BRINP1: variants seen among roughly 807,000 people sequenced by gnomAD.
BRINP1 encodes BMP/retinoic acid-inducible neural-specific protein 1.
Under a neutral mutation model 72.9 loss-of-function variants are expected in BRINP1, and 17 were observed. The ratio of observed to expected loss-of-function variants is 0.23; its 90% CI spans 0.16 to 0.35. The LOEUF is 0.35. Ranked by LOEUF, BRINP1 falls within the 10% of genes least tolerant of loss-of-function variation. The pLI is 1.00. For synonymous variants in BRINP1, 418 were observed against 378.5 expected, an observed-to-expected ratio of 1.10 and a Z score of -1.21; for missense variants, 850 against 1,001.6, an observed-to-expected ratio of 0.85 and a Z score of 2.04.
At chr9:119,240,748 C>T (rs1214548045) in intron 4 of BRINP1, among the ~76,000 whole-genome samples, 2 of 152,192 alleles carry the variant, frequency 1.3e-5, no homozygotes, top group Non-Finnish European at 2.9e-5. Context: ...AACTCTCTCC[C>T]TCCCACACTT....
intron 7 of BRINP1, among the ~76,000 whole-genome samples, chr9:119,169,613 C>A (rs1177399503): frequency 5.9e-5 from 9 of 152,364 alleles, no homozygotes; most frequent in East Asian, 1.9e-4. Context: ...GAAGCTCGAA[C>A]TGGGTGGAGC....
chr9:119,347,998 TA>T (rs1330845594), intron 1 of BRINP1, among the ~76,000 whole-genome samples: 3 of 152,206 alleles, frequency 2.0e-5, no homozygotes, highest in Non-Finnish European at 4.4e-5. Flanking sequence ...TAGTTTACAT[TA>T]GGGGTCACCC....
rs1188760056 is a variant in BRINP1 at position 119,219,630 on chromosome 9, AG to A, written c.686-5476del. Among the ~76,000 whole-genome samples, 7 of 145,742 alleles carry A rather than the reference AG, an allele frequency of 4.8e-5. No homozygotes were observed. The East Asian group carries it at 1.4e-3, about 30-fold the overall frequency. ...GAGGCAGACAACTCCCTCTTGTTGT[AG>A]GTCTTACTGTTTACTGAGAGAGAGA... On this transcript the variant is annotated intron_variant, in intron 5 of 7. Coordinates refer to ENST00000265922, the MANE Select transcript of BRINP1 (RefSeq NM_014618.3).
At chr9:119,349,142 C>A (rs1439256278) in intron 1 of BRINP1, among the ~76,000 whole-genome samples, 3 of 152,020 alleles carry the variant, frequency 2.0e-5, no homozygotes, top group South Asian at 2.1e-4. Flanking sequence ...ATTAGAAAAA[C>A]CCCCGCGTAA....
intron 2 of BRINP1, among the ~76,000 whole-genome samples, chr9:119,299,054 T>A (rs1488514849): frequency 6.6e-6 from 1 of 152,150 alleles, no homozygotes; most frequent in African/African-American, 2.4e-5. Flanking sequence ...TTACCTCACA[T>A]ACTTATTTTT....
intron 1 of BRINP1, among the ~76,000 whole-genome samples, chr9:119,319,941 A>C (rs1831167814): frequency 6.6e-6 from 1 of 152,240 alleles, no homozygotes; most frequent in Non-Finnish European, 1.5e-5. Context: ...AAGTGTGAAC[A>C]ATTCTAATAT....
At chr9:119,262,714 A>G (rs1466842711) in intron 2 of BRINP1, among the ~76,000 whole-genome samples, 1 of 151,646 alleles carries the variant, frequency 6.6e-6, no homozygotes, top group Non-Finnish European at 1.5e-5. Context: ...GGGCACAGGC[A>G]TATAAGTCAG....
intron 1 of BRINP1, among the ~76,000 whole-genome samples, chr9:119,361,797 A>ATTTTTTTTTTT (rs869281749): frequency 1.6e-5 from 1 of 64,470 alleles, no homozygotes; most frequent in African/African-American, 6.3e-5. Flanking sequence ...CAGTTTTTGC[A>ATTTTTTTTTTT]TTTTTTTTTT....
At chr9:119,235,175 C>T (rs1830182346) in intron 5 of BRINP1, among the ~76,000 whole-genome samples, 1 of 152,190 alleles carries the variant, frequency 6.6e-6, no homozygotes, top group South Asian at 2.1e-4. Context: ...ACACAAGAGT[C>T]AGAATGATCT....
chr9:119,315,508 A>G (rs546355330), intron 1 of BRINP1, among the ~76,000 whole-genome samples: 2 of 152,156 alleles, frequency 1.3e-5, no homozygotes, highest in Non-Finnish European at 2.9e-5. Flanking sequence ...CCCTTTCCTC[A>G]GGCCTGCCTA....
At chr9:119,266,582 C>T (rs368650953) in intron 2 of BRINP1, among the ~76,000 whole-genome samples, 3 of 152,188 alleles carry the variant, frequency 2.0e-5, no homozygotes, top group African/African-American at 7.2e-5. Context: ...AACTTCACCA[C>T]ACTGTGAAAC....
At chr9:119,236,172 T>C (rs1281374496) in intron 5 of BRINP1, among the ~76,000 whole-genome samples, 2 of 152,158 alleles carry the variant, frequency 1.3e-5, no homozygotes, top group African/African-American at 2.4e-5. Context: ...TAAAACACTT[T>C]CTCAAGAAAA....
At chr9:119,180,440 G>A (rs929696275) in intron 7 of BRINP1, among the ~76,000 whole-genome samples, 12 of 151,618 alleles carry the variant, frequency 7.9e-5, no homozygotes, top group African/African-American at 2.7e-4. Flanking sequence ...CTGATGATGC[G>A]CTGTTCTTTA....
chr9:119,267,509 G>A (rs979952410), intron 2 of BRINP1, among the ~76,000 whole-genome samples: 2 of 151,908 alleles, frequency 1.3e-5, no homozygotes, highest in African/African-American at 4.8e-5. Context: ...GGTGGCGGGT[G>A]CCTGTAATCC....
intron 1 of BRINP1, among the ~76,000 whole-genome samples, chr9:119,338,245 T>G (rs1459817993): frequency 2.9e-4 from 5 of 17,080 alleles, no homozygotes; most frequent in African/African-American, 4.4e-4. Flanking sequence ...TGTTTTTGTT[T>G]CTTTTTTTTT....
At chr9:119,262,371 C>A (rs1361745208) in intron 2 of BRINP1, among the ~76,000 whole-genome samples, 2 of 151,898 alleles carry the variant, frequency 1.3e-5, no homozygotes, top group Non-Finnish European at 2.9e-5. Context: ...CGGTGGCTCA[C>A]ACCTGTAATC....
At chr9:119,269,225 C>T (rs538025) in intron 2 of BRINP1, among the ~76,000 whole-genome samples, 134,938 of 152,164 alleles carry the variant, frequency 0.89, 60,297 homozygotes, top group East Asian at 0.99. Flanking sequence ...GACCCTAAAT[C>T]ACTATTATTT....
intron 2 of BRINP1, among the ~76,000 whole-genome samples, chr9:119,293,856 T>A (rs1332966612): frequency 6.6e-6 from 1 of 152,168 alleles, no homozygotes; most frequent in East Asian, 1.9e-4. Flanking sequence ...AAGGCTAGGA[T>A]GCCCACTCAC....
intron 5 of BRINP1, among the ~76,000 whole-genome samples, chr9:119,214,964 A>C (rs769747055): frequency 3.7e-4 from 57 of 152,192 alleles, no homozygotes; most frequent in Admixed American, 6.5e-4. Flanking sequence ...CAGTGTGCAA[A>C]GGGCTTTATT....
Sources: gnomAD v4.1 joint callset for allele counts (sites outside exome capture counted in the v4.1 genomes callset) on GRCh38, gnomAD v4.1.1 for gene constraint, MANE v1.5 for transcripts, NCBI Gene and HGNC (gene_info 2026-07-23, HGNC 2026-07-21) for gene names.